FOCAD: variants seen among roughly 807,000 people sequenced by gnomAD.
FOCAD encodes the protein focadhesin, also known as KIAA1797.
Under a neutral mutation model 225.6 loss-of-function variants are expected in FOCAD, and 198 were observed. The observed-to-expected ratio is 0.88, with a 90% CI of 0.78 to 0.99. FOCAD has a LOEUF of 0.99. Ranked by LOEUF, FOCAD falls within the 50% of genes least tolerant of loss-of-function variation. FOCAD has a pLI of 0.00. For synonymous variants in FOCAD, 897 were observed against 755.0 expected, an observed-to-expected ratio of 1.19 and a Z score of -3.08; for missense variants, 2,713 against 2,123.6, an observed-to-expected ratio of 1.28 and a Z score of -5.46.
intron 27 of FOCAD, among the ~76,000 whole-genome samples, chr9:20,930,799 G>A (rs140040831): frequency 1.1e-4 from 17 of 152,170 alleles, no homozygotes; most frequent in Non-Finnish European, 1.9e-4. Context: ...TATAGGTCTT[G>A]TTCTGGAGAT....
chr9:20,920,809 GT>G (rs1369911002), intron 24 of FOCAD, among the ~76,000 whole-genome samples: 1 of 150,530 alleles, frequency 6.6e-6, no homozygotes, highest in Non-Finnish European at 1.5e-5. Flanking sequence ...TCTGGGGACT[GT>G]TGTGGGGTGG....
intron 18 of FOCAD, among the ~76,000 whole-genome samples, chr9:20,871,039 C>A (rs1395790449): frequency 2.0e-5 from 3 of 151,900 alleles, no homozygotes; most frequent in African/African-American, 7.3e-5. Context: ...CCCCTCTCAA[C>A]TAAAAATACA....
intron 35 of FOCAD, among the ~76,000 whole-genome samples, chr9:20,966,728 A>C (rs1226448346): frequency 6.6e-6 from 1 of 151,998 alleles, no homozygotes; most frequent in African/African-American, 2.4e-5. Flanking sequence ...ATTCTTTTGC[A>C]TGTGAGTATC....
chr9:20,835,160 T>C (rs568278677), intron 15 of FOCAD, among the ~76,000 whole-genome samples: 14 of 152,238 alleles, frequency 9.2e-5, no homozygotes, highest in Non-Finnish European at 1.6e-4. Context: ...TTTTACAGTA[T>C]GTTATTCTAC....
At chr9:20,752,832 C>T (rs1451526180) in intron 5 of FOCAD, among the ~76,000 whole-genome samples, 2 of 151,880 alleles carry the variant, frequency 1.3e-5, no homozygotes, top group African/African-American at 4.8e-5. Flanking sequence ...TCTTTTATTT[C>T]CTTGAGCAGT....
rs369840577 is a variant in FOCAD, at chr9:20,923,340, A to C, written c.2853-320A>C. ...TAATTTTAAATTGGCCAAAGATGAC[A>C]CAGAAGAGATCCTAGGAAATGTAAT... On this transcript the variant is annotated intron_variant, in intron 24 of 43. Transcript: ENST00000338382. 7.9e-5 allele frequency among the ~76,000 whole-genome samples: 12 copies of C among 152,320 alleles called. No homozygotes were observed. The East Asian group carries it at 1.3e-3, about 17-fold the overall frequency.
At chr9:20,675,106 A>C (rs1309288799) in intron 2 of FOCAD, among the ~76,000 whole-genome samples, 3 of 152,194 alleles carry the variant, frequency 2.0e-5, no homozygotes, top group Non-Finnish European at 2.9e-5. Flanking sequence ...CTATAAATCT[A>C]GTTCTCTAAG....
At chr9:20,892,121 GAAAA>G (rs1250257222) in intron 21 of FOCAD, among the ~76,000 whole-genome samples, 1 of 151,156 alleles carries the variant, frequency 6.6e-6, no homozygotes, top group Non-Finnish European at 1.5e-5. Context: ...CTACTGCTTA[GAAAA>G]AAAAAGATTC....
chr9:20,791,804 T>C (rs1465731154), intron 11 of FOCAD, among the ~76,000 whole-genome samples: 2 of 152,126 alleles, frequency 1.3e-5, no homozygotes, highest in Non-Finnish European at 2.9e-5. Context: ...ACCAGGTTCA[T>C]GTGGAATGGG....
chr9:20,975,689 A>G (rs1289985773), intron 35 of FOCAD, among the ~76,000 whole-genome samples: 1 of 152,230 alleles, frequency 6.6e-6, no homozygotes, highest in Non-Finnish European at 1.5e-5. Context: ...GAAAATTTTT[A>G]TCCAGTCAGA....
intron 8 of FOCAD, 60 bp from the exon 9 acceptor site, chr9:20,778,621 A>G (rs1819040926): frequency 2.3e-6 from 2 of 869,028 alleles, no homozygotes; most frequent in South Asian, 2.8e-5. Context: ...GATACATGTT[A>G]CAAAGCCATG....
intron 10 of FOCAD, among the ~76,000 whole-genome samples, chr9:20,784,380 G>C (rs931631418): frequency 1.3e-5 from 2 of 152,214 alleles, no homozygotes; most frequent in South Asian, 2.1e-4. Context: ...ATGTTGAAAA[G>C]GCACAGCTGT....
At chr9:20,913,651 C>A (rs1030363983) in intron 23 of FOCAD, among the ~76,000 whole-genome samples, 1 of 152,072 alleles carries the variant, frequency 6.6e-6, no homozygotes, top group Non-Finnish European at 1.5e-5. Flanking sequence ...TGACAGTTGG[C>A]TCATGTAGAA....
At chr9:20,733,096 G>A (rs1045889063) in intron 4 of FOCAD, among the ~76,000 whole-genome samples, 6 of 152,066 alleles carry the variant, frequency 3.9e-5, no homozygotes, top group Non-Finnish European at 8.8e-5. Flanking sequence ...CCTGATTAAA[G>A]TCTTTACCTT....
intron 15 of FOCAD, among the ~76,000 whole-genome samples, chr9:20,831,243 C>T (rs1825461097): frequency 6.6e-6 from 1 of 151,962 alleles, no homozygotes; most frequent in Non-Finnish European, 1.5e-5. Flanking sequence ...AGCCTTTCAG[C>T]AGTGTTCAGG....
At chr9:20,925,575 A>C (rs1587629189) in intron 25 of FOCAD, among the ~76,000 whole-genome samples, 1 of 152,230 alleles carries the variant, frequency 6.6e-6, no homozygotes, top group Non-Finnish European at 1.5e-5. Flanking sequence ...GTGACCACCA[A>C]CAAAAGATTT....
chr9:20,857,339 T>C (rs1326506743), intron 15 of FOCAD, among the ~76,000 whole-genome samples: 1 of 151,988 alleles, frequency 6.6e-6, no homozygotes, highest in Non-Finnish European at 1.5e-5. Flanking sequence ...TCCTATGTAT[T>C]TTATTTTATG....
Position 20,912,870 on chromosome 9 carries a change from G to T in FOCAD, c.2723G>T (p.Arg908Ile). The change falls in exon 23 of 44, where the codon AGA becomes ATA. Residue 908 changes from arginine (R) to isoleucine (I), a missense_variant. By Grantham distance (97) the Arg-to-Ile change is moderately conservative (BLOSUM62 -3). Coordinates refer to ENST00000338382, the MANE Select transcript of FOCAD (RefSeq NM_001375567.1). ...NRAYHAILQGRLGELELQLKH... is the reference protein window; with the variant it reads ...NRAYHAILQGILGELELQLKH... ...TTTATGCTGTGATTTTTGCAGGGAA[G>T]ACTAGGAGAGCTGGAGTTGCAGTTA... 6.2e-7 allele frequency: 1 copy of T among 1,612,954 alleles called. No homozygotes were observed. Among genetic ancestry groups the T allele is most frequent in the South Asian group, 1.1e-5 (1 of 91,032 alleles).
chr9:20,800,521 A>G (rs773565875), intron 11 of FOCAD, among the ~76,000 whole-genome samples: 2 of 152,064 alleles, frequency 1.3e-5, no homozygotes, highest in Non-Finnish European at 2.9e-5. Context: ...ACATAGTCCC[A>G]TATTTCTTGG....
Sources: allele counts gnomAD v4.1 joint callset (sites outside exome capture counted in the v4.1 genomes callset), GRCh38; gene constraint gnomAD v4.1.1; transcripts MANE v1.5; gene names NCBI Gene and HGNC (gene_info 2026-07-23, HGNC 2026-07-21).